CHGA: variants seen among roughly 807,000 people sequenced by gnomAD.
CHGA encodes chromogranin-A.
Under a neutral mutation model 54.4 loss-of-function variants are expected in CHGA, and 41 were observed. The ratio of observed to expected loss-of-function variants is 0.75; its 90% CI spans 0.59 to 0.98. The LOEUF (loss-of-function observed/expected upper bound fraction) is 0.98, where lower values mean the gene tolerates loss of function less well. CHGA is among the 50% of genes least tolerant of loss of function. CHGA has a pLI of 0.00. For synonymous variants in CHGA, 249 were observed against 232.8 expected, an observed-to-expected ratio of 1.07 and a Z score of -0.63; for missense variants, 576 against 582.3, an observed-to-expected ratio of 0.99 and a Z score of 0.11.
At chr14:92,931,208 G>A (rs201957161) in intron 5 of CHGA, 42 bp from the exon 6 acceptor site, 25 of 1,560,148 alleles carry the variant, frequency 1.6e-5, no homozygotes, top group Non-Finnish European at 2.2e-5. Flanking sequence ...CCCACACGTG[G>A]CCCAGTCCTC....
chr14:92,926,813 GC>G (rs1327938803), intron 3 of CHGA, 115 bp downstream of exon 3: 2 of 862,280 alleles, frequency 2.3e-6, no homozygotes, highest in Non-Finnish European at 3.7e-6. Context: ...CTGACTGAGT[GC>G]CCGTCATGTC....
chr14:92,931,800 C>T, intron 6 of CHGA, 98 bp downstream of exon 6: 1 of 1,225,040 alleles, frequency 8.2e-7, no homozygotes, highest in Non-Finnish European at 1.1e-6. Context: ...TTCATAACAA[C>T]CCTGAAAGGT....
chr14:92,932,681 C>T lies in CHGA; in HGVS notation c.1120C>T (p.Leu374Phe). The T allele has an allele frequency of 6.2e-7, 1 of 1,609,602 alleles. No homozygotes were observed. The highest frequency in any genetic ancestry group is 8.5e-7 in the Non-Finnish European group (1 of 1,179,248). The change falls in exon 7 of 8, where the codon CTC (leucine) becomes TTC (phenylalanine). Residue 374 changes from leucine to phenylalanine, a missense_variant. Physicochemically the swap from Leu to Phe is conservative, Grantham distance 22. Coordinates refer to ENST00000216492, the MANE Select transcript of CHGA (RefSeq NM_001275.4). The surrounding 1 kb of genome is among the most constrained non-coding windows in gnomAD (Gnocchi z 5.3). ...EEDNRDSSMK[L>F]SFRARAYGFR... ...GGACAACCGGGACAGTTCCATGAAG[C>T]TCTCCTTCCGGGCCCGGGCCTACGG... is the stretch of plus-strand genomic sequence containing the variant.
intron 3 of CHGA, among the ~76,000 whole-genome samples, chr14:92,926,911 G>C (rs896797845): frequency 6.6e-6 from 1 of 152,196 alleles, no homozygotes; most frequent in African/African-American, 2.4e-5. Context: ...GGATGCATAT[G>C]AACACAGTTA....
rs765584956 is a variant in CHGA, at chr14:92,931,437, C to A, written c.543C>A (p.Thr181=). The A allele has an allele frequency of 1.9e-6, 3 of 1,608,056 alleles. No individual in the cohort carries two copies. The highest frequency in any genetic ancestry group is 2.2e-5 in the South Asian group (2 of 90,230). ...GEEEEEEEEA[T]NTHPPASLPS... ...AAGAGGAGGAGGAGGAGGAGGCCAC[C>A]AACACCCACCCTCCAGCCAGCCTCC... Residue 181 remains threonine, a synonymous_variant, in exon 6 of 8, where the codon ACC becomes ACA. Transcript: ENST00000216492.
In CHGA at chr14:92,931,701, G is replaced by A. The variant is rs745392288; in HGVS notation, c.807G>A (p.Glu269=). The change falls in exon 6 of 8, where the codon GAG becomes GAA. Residue 269 remains glutamate, a splice_region_variant and synonymous_variant. Coordinates refer to ENST00000216492, the MANE Select transcript of CHGA (RefSeq NM_001275.4). ...SLGYKEIRKG[E]SRSEALAVDG... is the part of the protein sequence containing the mutation. ...GCTACAAGGAGATCCGGAAAGGCGAGAGTACGTATGATGGCGAAGACCTCA... is the reference window on the plus strand; with the variant it reads ...GCTACAAGGAGATCCGGAAAGGCGAAAGTACGTATGATGGCGAAGACCTCA... The A allele has an allele frequency of 1.9e-6, 3 of 1,559,022 alleles. No individual in the cohort carries two copies. The highest frequency in any genetic ancestry group is 1.7e-6 in the Non-Finnish European group (2 of 1,149,376).
At position 92,931,663 on chromosome 14, in the gene CHGA, C is replaced by G; in HGVS notation, c.769C>G (p.His257Asp). ...AGGCCCCACTGTAGTGCTGAACCCC[C>G]ACCCGAGCCTTGGCTACAAGGAGAT... ...EEGPTVVLNP[H>D]PSLGYKEIRK... The change falls in exon 6 of 8, where the codon CAC (histidine) becomes GAC (aspartate). Residue 257 changes from histidine (H) to aspartate (D), a missense_variant. His to Asp is a moderately conservative substitution (Grantham distance 81). Coordinates refer to ENST00000216492, the MANE Select transcript of CHGA (RefSeq NM_001275.4). 2 of 1,594,888 alleles carry G rather than the reference C, an allele frequency of 1.3e-6. No individual in the cohort carries two copies. The highest frequency in any genetic ancestry group is 1.7e-6 in the Non-Finnish European group (2 of 1,167,484).
chr14:92,929,768 A>T lies in CHGA; in HGVS notation c.308A>T (p.Glu103Val). The change falls in exon 5 of 8, where the codon GAA becomes GTA. Residue 103 changes from glutamate (E) to valine (V), a missense_variant. Glu to Val is a moderately radical substitution (Grantham distance 121). Transcript: ENST00000216492. ...AAGAAACACAGCGGTTTTGAAGATGAACTCTCAGAGGTTCTTGAGAACCAG... is the reference window on the plus strand; with the variant it reads ...AAGAAACACAGCGGTTTTGAAGATGTACTCTCAGAGGTTCTTGAGAACCAG... Reference protein sequence around the residue: ...QQKKHSGFEDELSEVLENQSS... With the variant: ...QQKKHSGFEDVLSEVLENQSS... 1 of 1,613,762 alleles carries T rather than the reference A, an allele frequency of 6.2e-7. No homozygotes were observed. Among genetic ancestry groups the T allele is most frequent in the South Asian group, 1.1e-5 (1 of 91,086 alleles).
intron 5 of CHGA, 88 bp downstream of exon 5, chr14:92,929,903 C>A: frequency 3.0e-6 from 3 of 996,042 alleles, no homozygotes; most frequent in South Asian, 2.7e-5. Context: ...TCCAGTGAGT[C>A]GGGAGCCCCA....
intron 4 of CHGA, among the ~76,000 whole-genome samples, chr14:92,928,513 T>G (rs887485869): frequency 5.3e-5 from 8 of 152,254 alleles, no homozygotes; most frequent in African/African-American, 1.9e-4. Context: ...TGGGCACAGC[T>G]GGGACTATTA....
chr14:92,927,385 A>C (rs1886907047), intron 3 of CHGA, among the ~76,000 whole-genome samples, 165 bp from the exon 4 acceptor site: 1 of 152,220 alleles, frequency 6.6e-6, no homozygotes, highest in African/African-American at 2.4e-5. Context: ...ATACCTTGGA[A>C]AGGAGGTAAT....
intron 4 of CHGA, among the ~76,000 whole-genome samples, chr14:92,928,756 T>C (rs1367367234): frequency 6.6e-6 from 1 of 152,232 alleles, no homozygotes; most frequent in Admixed American, 6.5e-5. Flanking sequence ...CAGTATCCAA[T>C]ATATGTATAT....
intron 3 of CHGA, among the ~76,000 whole-genome samples, chr14:92,926,966 C>G (rs969054720): frequency 7.2e-5 from 11 of 152,314 alleles, no homozygotes; most frequent in Admixed American, 7.2e-4. Flanking sequence ...AACAGCAAGC[C>G]CCCAGACTGT....
At chr14:92,930,468 G>A (rs899841505) in intron 5 of CHGA, among the ~76,000 whole-genome samples, 2 of 152,224 alleles carry the variant, frequency 1.3e-5, no homozygotes, top group Non-Finnish European at 2.9e-5. Context: ...GGGAAAGCCC[G>A]CAAGTGAAGC....
At chr14:92,934,697 C>A in intron 7 of CHGA, 104 bp from the exon 8 acceptor site, 1 of 780,794 alleles carries the variant, frequency 1.3e-6, no homozygotes, top group Non-Finnish European at 2.1e-6. Flanking sequence ...AGAGACAAAG[C>A]CACCTGTCCG....
In CHGA at chr14:92,929,770, C is replaced by T. The variant is rs940391131; in HGVS notation, c.310C>T (p.Leu104Phe). Residue 104 changes from leucine to phenylalanine, a missense_variant, in exon 5 of 8, where the codon CTC becomes TTC. Leu to Phe is a conservative substitution (Grantham distance 22). Transcript: ENST00000216492. ...QKKHSGFEDE[L>F]SEVLENQSSQ... is the part of the protein sequence containing the mutation. ...GAAACACAGCGGTTTTGAAGATGAA[C>T]TCTCAGAGGTTCTTGAGAACCAGAG... 2.5e-6 allele frequency: 4 copies of T among 1,613,598 alleles called. No individual in the cohort carries two copies. Among genetic ancestry groups the T allele is most frequent in the Non-Finnish European group, 3.4e-6 (4 of 1,180,034 alleles).
At chr14:92,931,170 A>G in intron 5 of CHGA, 80 bp from the exon 6 acceptor site, 6 of 1,398,388 alleles carry the variant, frequency 4.3e-6, no homozygotes, top group Non-Finnish European at 4.9e-6. Flanking sequence ...CATAATGAGT[A>G]ACATCTGAAA....
At chr14:92,930,045 C>T (rs938951302) in intron 5 of CHGA, among the ~76,000 whole-genome samples, 1 of 152,218 alleles carries the variant, frequency 6.6e-6, no homozygotes, top group Non-Finnish European at 1.5e-5. Flanking sequence ...AGCCCTCGCT[C>T]GGTCCCGTCT....
intron 5 of CHGA, 66 bp downstream of exon 5, chr14:92,929,881 T>C (rs964670739): frequency 3.0e-6 from 4 of 1,318,590 alleles, no homozygotes; most frequent in South Asian, 2.4e-5. Context: ...GTGGCTATGA[T>C]GGACCCAGGG....
Sources: gnomAD v4.1 joint callset for allele counts (sites outside exome capture counted in the v4.1 genomes callset) on GRCh38, gnomAD v4.1.1 for gene constraint, Gnocchi (gnomAD v3.1) non-coding constraint, MANE v1.5 for transcripts, NCBI Gene and HGNC (gene_info 2026-07-23, HGNC 2026-07-21) for gene names.